PMP2: variants seen among roughly 807,000 people sequenced by gnomAD.
PMP2 encodes the protein myelin P2 protein.
A neutral mutation model predicts 15.9 loss-of-function variants in PMP2; 11 were observed. The ratio of observed to expected loss-of-function variants is 0.69; its 90% CI spans 0.44 to 1.14. The LOEUF is 1.14. Ranked by LOEUF, PMP2 falls within the 50% of genes most tolerant of loss-of-function variation. PMP2 has a pLI of 0.00. For synonymous variants in PMP2, 55 were observed against 54.1 expected, an observed-to-expected ratio of 1.02 and a Z score of -0.07; for missense variants, 151 against 154.0, an observed-to-expected ratio of 0.98 and a Z score of 0.10.
Position 81,441,794 on chromosome 8 carries a change from T to TC in PMP2, c.*1603_*1604insG, listed in dbSNP as rs1730164177. On this transcript the variant is annotated 3_prime_UTR_variant, in exon 4 of 4. Transcript: ENST00000256103. ...GCTCTATGTTTTGGCAATATACCTCTATTTTTTTTTTTAACATTACTTTCT... is the reference window on the plus strand; with the variant it reads ...GCTCTATGTTTTGGCAATATACCTCTCATTTTTTTTTTTAACATTACTTTCT... 6.6e-6 allele frequency: 1 copy of TC among 152,038 alleles called. No individual in the cohort carries two copies. The highest frequency in any genetic ancestry group is 2.4e-5 in the African/African-American group (1 of 41,394). The allele number at this position is 152,038 out of a possible 1,614,324, so 9.4% of individuals were successfully genotyped here.
rs1032544156 is a variant in PMP2 at position 81,443,179 on chromosome 8, C to A, written c.*219G>T. On this transcript the variant is annotated 3_prime_UTR_variant, in exon 4 of 4. Coordinates refer to ENST00000256103, the MANE Select transcript of PMP2 (RefSeq NM_002677.5). ...GACATCATCAACTGTTTGTGTCTGG[C>A]CAATATATATGCTTTGATGTAATAA... 74 of 408,814 alleles carry A rather than the reference C, an allele frequency of 1.8e-4. No homozygotes were observed. Among genetic ancestry groups the A allele is most frequent in the Admixed American group, 8.3e-4 (19 of 22,794 alleles). The allele number at this position is 408,814 out of a possible 1,614,324, so 25.3% of individuals were successfully genotyped here. A position where few individuals can be genotyped will look rare whatever the true frequency, so the allele number is the denominator to read the frequency against.
chr8:81,446,262 G>A (rs1031713849), intron 1 of PMP2, among the ~76,000 whole-genome samples: 8 of 152,066 alleles, frequency 5.3e-5, no homozygotes, highest in African/African-American at 1.9e-4. Flanking sequence ...AAATCCCAAG[G>A]TGTTATTTTG....
In PMP2 at chr8:81,440,908, T is replaced by C. The variant is rs1037815148; in HGVS notation, c.*2490A>G. On this transcript the variant is annotated 3_prime_UTR_variant, in exon 4 of 4. Coordinates refer to ENST00000256103, the MANE Select transcript of PMP2 (RefSeq NM_002677.5). ...GGATTTTTTTTACTTAATCAAAGTA[T>C]ACTTCTTATCTGATTGACTGTCTAT... 6.6e-6 allele frequency: 1 copy of C among 152,220 alleles called. No homozygotes were observed. Among genetic ancestry groups the C allele is most frequent in the African/African-American group, 2.4e-5 (1 of 41,454 alleles). 9.4% of individuals were successfully genotyped at this position (152,220 alleles called of 1,614,324 possible).
In PMP2 at chr8:81,447,372, G is replaced by C. The variant is rs758115020; in HGVS notation, c.15C>G (p.Phe5Leu). The C allele has an allele frequency of 3.2e-5, 52 of 1,613,622 alleles. No homozygotes were observed. Among genetic ancestry groups the C allele is most frequent in the Non-Finnish European group, 3.4e-6 (4 of 1,179,676 alleles). Reference sequence around the variant, plus strand: ...TAGAGACAAGTTTCCAGGTGCCCAGGAATTTGTTGCTCATCGTGATGGGTG... The same window carrying C: ...TAGAGACAAGTTTCCAGGTGCCCAGCAATTTGTTGCTCATCGTGATGGGTG... Reference protein sequence around the residue: MSNKFLGTWKLVSSE... With the variant: MSNKLLGTWKLVSSE... Residue 5 changes from phenylalanine (F) to leucine (L), a missense_variant, in exon 1 of 4, where the codon TTC becomes TTG. By Grantham distance (22) the Phe-to-Leu change is conservative. Transcript: ENST00000256103.
At chr8:81,444,358 A>G (rs965920330) in intron 3 of PMP2, 142 bp downstream of exon 3, 3 of 561,700 alleles carry the variant, frequency 5.3e-6, no homozygotes, top group Non-Finnish European at 6.2e-6. Flanking sequence ...TAGTTTAAAT[A>G]TCACTGAAGC....
rs911580342 is a variant in PMP2, at chr8:81,441,401, C to T, written c.*1997G>A. ...CTTTAGCATTGATTGATAATTCTTG[C>T]CTGAGCCATATTTACTGTGATGGTT... On this transcript the variant is annotated 3_prime_UTR_variant, in exon 4 of 4. Transcript: ENST00000256103. The T allele has an allele frequency of 6.6e-6, 1 of 152,080 alleles. No homozygotes were observed. Among genetic ancestry groups the T allele is most frequent in the African/African-American group, 2.4e-5 (1 of 41,438 alleles). The allele number at this position is 152,080 out of a possible 1,614,324, so 9.4% of individuals were successfully genotyped here. A position where few individuals can be genotyped will look rare whatever the true frequency, so the allele number is the denominator to read the frequency against.
chr8:81,445,014 T>C, intron 1 of PMP2, 25 bp from the exon 2 acceptor site: 1 of 1,604,266 alleles, frequency 6.2e-7, no homozygotes, highest in Non-Finnish European at 8.5e-7. Context: ...AGTGTTAGAA[T>C]TATGTTGACC....
intron 1 of PMP2, 105 bp from the exon 2 acceptor site, chr8:81,445,094 G>T (rs976191330): frequency 1.3e-5 from 10 of 798,668 alleles, no homozygotes; most frequent in East Asian, 2.6e-5. Flanking sequence ...TGAGTTGATG[G>T]CAGGTAATAT....
chr8:81,444,253 C>T (rs1278071190), intron 3 of PMP2, among the ~76,000 whole-genome samples: 2 of 152,114 alleles, frequency 1.3e-5, no homozygotes, highest in Non-Finnish European at 2.9e-5. Flanking sequence ...TTTCTTTAAC[C>T]TTACTACCAT....
Position 81,443,150 on chromosome 8 carries a change from G to T in PMP2, c.*248C>A. On this transcript the variant is annotated 3_prime_UTR_variant, in exon 4 of 4. Coordinates refer to ENST00000256103, the MANE Select transcript of PMP2 (RefSeq NM_002677.5). ...ATAGATTAGAATTTTGTAGTTAATT[G>T]AATGACATCATCAACTGTTTGTGTC... The T allele has an allele frequency of 2.8e-6, 1 of 351,982 alleles. No individual in the cohort carries two copies. The highest frequency in any genetic ancestry group is 2.1e-5 in the African/African-American group (1 of 47,152). 21.8% of individuals were successfully genotyped at this position (351,982 alleles called of 1,614,324 possible). A position where few individuals can be genotyped will look rare whatever the true frequency, so the allele number is the denominator to read the frequency against.
rs1014864097 is a variant in PMP2 at position 81,441,503 on chromosome 8, G to C, written c.*1895C>G. ...TGGTCCATGACGTTCTATTGCAAAA[G>C]AGAAACCTTCTCATTTCTCTATCTA... On this transcript the variant is annotated 3_prime_UTR_variant, in exon 4 of 4. Transcript: ENST00000256103. 1 of 151,454 alleles carries C rather than the reference G, an allele frequency of 6.6e-6. No homozygotes were observed. Among genetic ancestry groups the C allele is most frequent in the African/African-American group, 2.4e-5 (1 of 41,182 alleles). The allele number at this position is 151,454 out of a possible 1,614,324, so 9.4% of individuals were successfully genotyped here.
At chr8:81,447,199 T>C (rs1199042350) in intron 1 of PMP2, 115 bp downstream of exon 1, 1 of 707,410 alleles carries the variant, frequency 1.4e-6, no homozygotes, top group Non-Finnish European at 2.6e-6. Flanking sequence ...TAAAAGAGGA[T>C]TGTACTGCAG....
chr8:81,446,312 A>G (rs1022809111), intron 1 of PMP2, among the ~76,000 whole-genome samples: 2 of 152,170 alleles, frequency 1.3e-5, no homozygotes, highest in African/African-American at 2.4e-5. Context: ...AAAATCCTTC[A>G]CTGAGACTTT....
chr8:81,444,445 A>C, intron 3 of PMP2, 55 bp downstream of exon 3: 1 of 1,073,930 alleles, frequency 9.3e-7, no homozygotes, highest in Non-Finnish European at 1.4e-6. Context: ...AAAACAATAT[A>C]ATCAAATTAT....
chr8:81,446,459 G>C (rs1271739589), intron 1 of PMP2, among the ~76,000 whole-genome samples: 2 of 152,168 alleles, frequency 1.3e-5, no homozygotes, highest in African/African-American at 4.8e-5. Context: ...ATCTAAAATA[G>C]AACATTTTAT....
At chr8:81,443,500 G>T in intron 3 of PMP2, 52 bp from the exon 4 acceptor site, 1 of 1,117,982 alleles carries the variant, frequency 8.9e-7, no homozygotes. Flanking sequence ...CCAGAGAACA[G>T]AAAATTTGTA....
At chr8:81,445,844 T>C in intron 1 of PMP2, among the ~76,000 whole-genome samples, 1 of 152,124 alleles carries the variant, frequency 6.6e-6, no homozygotes. Flanking sequence ...AAAAAAACTA[T>C]CCATCTAACT....
chr8:81,447,008 T>C (rs934850479), intron 1 of PMP2, among the ~76,000 whole-genome samples: 2 of 152,250 alleles, frequency 1.3e-5, no homozygotes, highest in East Asian at 1.9e-4. Context: ...GGGTTGACCA[T>C]GCTTTTAAGC....
intron 1 of PMP2, 80 bp from the exon 2 acceptor site, chr8:81,445,069 C>CA (rs1807424717): frequency 8.6e-7 from 1 of 1,169,278 alleles, no homozygotes; most frequent in East Asian, 2.4e-5. Flanking sequence ...ATCCTACGCT[C>CA]AGTGGTGCCC....
Sources: gnomAD v4.1 joint callset for allele counts (sites outside exome capture counted in the v4.1 genomes callset) on GRCh38, gnomAD v4.1.1 for gene constraint, MANE v1.5 for transcripts, NCBI Gene and HGNC (gene_info 2026-07-23, HGNC 2026-07-21) for gene names.